Variants in TBL1XR1 observed in about 807,000 individuals in gnomAD.
The protein encoded by TBL1XR1 is TBL1X/Y related 1.
TBL1XR1 carries 5 observed loss-of-function variants against 66.9 expected under a neutral mutation model. The observed-to-expected ratio is 0.07, with a 90% confidence interval of 0.04 to 0.16. The LOEUF (loss-of-function observed/expected upper bound fraction) is 0.16. Ranked by LOEUF, TBL1XR1 falls within the 10% of genes least tolerant of loss-of-function variation. The pLI is 1.00. For synonymous variants in TBL1XR1, 210 were observed against 206.0 expected (o/e 1.02, Z -0.17); for missense variants, 238 against 623.2 (o/e 0.38, Z 6.58).
chr3:177,057,688 A>C (rs1359997580), intron 3 of TBL1XR1, among the ~76,000 whole-genome samples: 1 of 152,168 alleles, frequency 6.6e-6, no homozygotes, highest in Non-Finnish European at 1.5e-5. Flanking sequence ...GGCAAAAGAG[A>C]CCACCTAAAT....
intron 1 of TBL1XR1, among the ~76,000 whole-genome samples, chr3:177,181,071 T>C (rs1297317797): frequency 6.6e-6 from 1 of 152,116 alleles, no homozygotes; most frequent in Non-Finnish European, 1.5e-5. Context: ...ATCAGTGAGC[T>C]AGAAGTAGAG....
intron 1 of TBL1XR1, among the ~76,000 whole-genome samples, chr3:177,147,008 T>G (rs1173701877): frequency 6.6e-6 from 1 of 152,080 alleles, no homozygotes; most frequent in Non-Finnish European, 1.5e-5. Context: ...TTTTTTTAGA[T>G]TAATACTTTT....
intron 13 of TBL1XR1, 29 bp downstream of exon 13, chr3:177,034,169 T>C: frequency 6.3e-7 from 1 of 1,590,160 alleles, no homozygotes; most frequent in South Asian, 1.2e-5. Flanking sequence ...AGAAGACTCA[T>C]AAAAGGAAAA....
intron 14 of TBL1XR1, among the ~76,000 whole-genome samples, chr3:177,028,265 GA>G (rs1713439706): frequency 1.3e-5 from 2 of 152,180 alleles, no homozygotes; most frequent in Non-Finnish European, 2.9e-5. Flanking sequence ...CTCCTGCACT[GA>G]AAATTCACTG....
intron 1 of TBL1XR1, among the ~76,000 whole-genome samples, chr3:177,129,556 C>G (rs1728039755): frequency 6.6e-6 from 1 of 152,062 alleles, no homozygotes; most frequent in Non-Finnish European, 1.5e-5. Flanking sequence ...TACTTTAAGT[C>G]AGGATAATGG....
At chr3:177,131,222 G>T in intron 1 of TBL1XR1, 1 of 404,242 alleles carries the variant, frequency 2.5e-6, no homozygotes, top group Non-Finnish European at 3.3e-6. Context: ...AGAACATACT[G>T]AATGCCTAAC....
At chr3:177,163,181 C>CA (rs1444446893) in intron 1 of TBL1XR1, among the ~76,000 whole-genome samples, 4 of 151,790 alleles carry the variant, frequency 2.6e-5, no homozygotes, top group African/African-American at 9.7e-5. Flanking sequence ...TATGGAGTAC[C>CA]AATACAGTAA....
chr3:177,170,189 T>G lies in TBL1XR1; in HGVS notation c.-122+26932A>C, dbSNP rs116044641. ...TGATTACACTGCAGCCCCACTCAAA[T>G]TCCTTCACTAGGTCCCTCAACTTTC... On this transcript the variant is annotated intron_variant, in intron 1 of 15. Coordinates refer to ENST00000457928, the MANE Select transcript of TBL1XR1 (RefSeq NM_024665.7). Among the ~76,000 whole-genome samples, 1,120 of 152,162 alleles carry G rather than the reference T, an allele frequency of 7.4e-3. 7 individuals carry two copies. Among genetic ancestry groups the G allele is most frequent in the Non-Finnish European group, 0.011 (732 of 67,980 alleles).
At chr3:177,137,511 A>G (rs935504988) in intron 1 of TBL1XR1, among the ~76,000 whole-genome samples, 2 of 152,228 alleles carry the variant, frequency 1.3e-5, no homozygotes, top group African/African-American at 4.8e-5. Context: ...TACATGAATT[A>G]GTTAATTAAT....
At chr3:177,030,625 A>C (rs1713845569) in intron 14 of TBL1XR1, among the ~76,000 whole-genome samples, 1 of 152,216 alleles carries the variant, frequency 6.6e-6, no homozygotes, top group Admixed American at 6.5e-5. Context: ...GATTCACAAC[A>C]GTGTGGCAAC....
intron 2 of TBL1XR1, among the ~76,000 whole-genome samples, chr3:177,075,664 A>G (rs1032078075): frequency 2.6e-5 from 4 of 152,198 alleles, no homozygotes; most frequent in Admixed American, 6.5e-5. Flanking sequence ...CCATCTACTT[A>G]GCAGTTAGAC....
intron 1 of TBL1XR1, among the ~76,000 whole-genome samples, chr3:177,143,400 A>G (rs1393363416): frequency 1.3e-5 from 2 of 152,078 alleles, no homozygotes; most frequent in Non-Finnish European, 2.9e-5. Flanking sequence ...AAAGGGAAGG[A>G]ATATTATAGG....
chr3:177,131,300 C>T lies in TBL1XR1; in HGVS notation c.-121-32759G>A, dbSNP rs1728265705. 9.2e-6 allele frequency: 9 copies of T among 980,052 alleles called. No homozygotes were observed. The South Asian group carries it at 4.2e-4, about 46-fold the overall frequency. The allele number at this position is 980,052 out of a possible 1,614,324, so 60.7% of individuals were successfully genotyped here. ...AAAGCTATTTGCCTAATCATAAAGA[C>T]CCTTAAGAGAGAGTCCAGGAAAAAT... On this transcript the variant is annotated intron_variant, in intron 1 of 15. Transcript: ENST00000457928.
chr3:177,100,081 T>C (rs538018306), intron 1 of TBL1XR1, among the ~76,000 whole-genome samples: 2 of 152,124 alleles, frequency 1.3e-5, no homozygotes, highest in Admixed American at 6.5e-5. Context: ...CTACCAAATA[T>C]ACAAAAAATC....
intron 2 of TBL1XR1, among the ~76,000 whole-genome samples, chr3:177,097,552 C>T (rs1337107367): frequency 1.3e-5 from 2 of 152,062 alleles, no homozygotes; most frequent in African/African-American, 2.4e-5. Flanking sequence ...CCCACAGAGT[C>T]CACTAGTCTT....
chr3:177,057,341 T>C (rs1460001551), intron 3 of TBL1XR1, among the ~76,000 whole-genome samples: 1 of 152,206 alleles, frequency 6.6e-6, no homozygotes, highest in Non-Finnish European at 1.5e-5. Flanking sequence ...TTATCAACTG[T>C]GTGGCTATGG....
chr3:177,125,667 G>C (rs1436552061), intron 1 of TBL1XR1, among the ~76,000 whole-genome samples: 1 of 152,002 alleles, frequency 6.6e-6, no homozygotes, highest in African/African-American at 2.4e-5. Context: ...TTAAATTCTA[G>C]GAGGCAATAA....
At chr3:177,190,331 T>C (rs1404040896) in intron 1 of TBL1XR1, among the ~76,000 whole-genome samples, 3 of 152,006 alleles carry the variant, frequency 2.0e-5, no homozygotes, top group Non-Finnish European at 4.4e-5. Flanking sequence ...TTTTTGTGTA[T>C]GTGACGGAGT....
At chr3:177,028,269 ATTCACTGTTTTACTAT>A (rs149308141) in intron 14 of TBL1XR1, among the ~76,000 whole-genome samples, 11,522 of 152,244 alleles carry the variant, frequency 0.076, 530 homozygotes, top group Admixed American at 0.15. Context: ...TGCACTGAAA[ATTCACTGTTTTACTAT>A]TTTCAAAGTT....
Sources: gnomAD v4.1 joint callset for allele counts (sites outside exome capture counted in the v4.1 genomes callset) on GRCh38, gnomAD v4.1.1 for gene constraint, MANE v1.5 for transcripts, NCBI Gene and HGNC (gene_info 2026-07-23, HGNC 2026-07-21) for gene names.